The following SLC9B1 variants were observed in gnomAD, a reference collection of about 807,000 sequenced individuals.
The protein encoded by SLC9B1 is sodium/hydrogen exchanger 9B1.
Under a neutral mutation model 51.7 loss-of-function variants are expected in SLC9B1, and 32 were observed. That is an observed-to-expected ratio of 0.62 (90% confidence interval 0.47 to 0.83). SLC9B1 has a LOEUF of 0.83. Among genes scored for constraint, SLC9B1 ranks in the 40% least tolerant of loss-of-function variants. SLC9B1 has a pLI of 0.00. For missense variants in SLC9B1, 406 were observed against 613.2 expected (o/e 0.66, Z 3.57); for synonymous variants, 145 against 212.7 (o/e 0.68, Z 2.77).
chr4:103,003,256 C>T (rs138427846), intron 1 of SLC9B1, among the ~76,000 whole-genome samples: 8 of 152,246 alleles, frequency 5.3e-5, no homozygotes, highest in South Asian at 2.1e-4. Flanking sequence ...GCTCTATTAT[C>T]GATAATCATG....
chr4:103,009,125 T>C (rs548127268), intron 1 of SLC9B1, among the ~76,000 whole-genome samples: 2 of 152,196 alleles, frequency 1.3e-5, no homozygotes, highest in Non-Finnish European at 2.9e-5. Flanking sequence ...AGTCTATGAT[T>C]CTATTATCTG....
chr4:102,914,600 C>T (rs1202246333), intron 7 of SLC9B1, among the ~76,000 whole-genome samples: 1 of 152,126 alleles, frequency 6.6e-6, no homozygotes, highest in African/African-American at 2.4e-5. Context: ...ATAATTTCTT[C>T]AGTTGTAATT....
At chr4:103,012,500 G>C (rs937758415) in intron 1 of SLC9B1, among the ~76,000 whole-genome samples, 7 of 152,140 alleles carry the variant, frequency 4.6e-5, no homozygotes, top group Non-Finnish European at 7.4e-5. Context: ...TCTGTTCATG[G>C]TAATCTAGAC....
Position 102,945,206 on chromosome 4 carries a change from C to T in SLC9B1, c.640G>A (p.Ala214Thr), listed in dbSNP as rs1258499853. Residue 214 changes from alanine to threonine, a missense_variant, in exon 6 of 12, where the codon GCA (alanine) becomes ACA (threonine). Around this residue, in one of 6 missense-constraint regions of SLC9B1, gnomAD observed 250 missense variants for 394.1 expected, o/e 0.63. Coordinates refer to ENST00000296422, the MANE Select transcript of SLC9B1 (RefSeq NM_139173.4). ...HFIMKFPWQW[A>T]FLLGFVLGAV... Reference sequence around the variant, plus strand: ...GAAAGAAATTACCCTAATAGAAATGCCCATTGCCAGGGAAATTTCATAATG... The same window carrying T: ...GAAAGAAATTACCCTAATAGAAATGTCCATTGCCAGGGAAATTTCATAATG... 1.1e-5 allele frequency: 18 copies of T among 1,604,260 alleles called. No individual in the cohort carries two copies. Among genetic ancestry groups the T allele is most frequent in the Admixed American group, 6.7e-5 (4 of 59,374 alleles).
At chr4:102,899,217 A>G (rs1734675664), downstream of SLC9B1, among the ~76,000 whole-genome samples, 1 of 151,240 alleles carries the variant, frequency 6.6e-6, no homozygotes, top group Non-Finnish European at 1.5e-5. Context: ...TAATAAACAT[A>G]TATCACAGAC....
intron 6 of SLC9B1, among the ~76,000 whole-genome samples, chr4:102,937,188 C>T (rs1432781313): frequency 2.6e-5 from 4 of 151,846 alleles, no homozygotes; most frequent in South Asian, 2.1e-4. Flanking sequence ...CTGCAACCTC[C>T]ACTTCCCGGG....
intron 3 of SLC9B1, among the ~76,000 whole-genome samples, chr4:102,951,699 A>C (rs950823823): frequency 1.1e-4 from 17 of 152,006 alleles, no homozygotes; most frequent in East Asian, 1.9e-4. Flanking sequence ...CACACACACA[A>C]AAAAATGAGG....
At chr4:102,944,463 G>A (rs983616872) in intron 6 of SLC9B1, among the ~76,000 whole-genome samples, 1 of 152,132 alleles carries the variant, frequency 6.6e-6, no homozygotes, top group Admixed American at 6.6e-5. Flanking sequence ...CATATTCTAA[G>A]GTCATTCCTC....
intron 6 of SLC9B1, among the ~76,000 whole-genome samples, chr4:102,938,320 T>C (rs975367017): frequency 7.2e-5 from 11 of 152,204 alleles, no homozygotes; most frequent in Non-Finnish European, 1.5e-4. Flanking sequence ...ACAAGAAGAC[T>C]TAACTGTCTA....
At chr4:102,889,904 A>G (rs935263081) in intron 11 of SLC9B1, 3 of 152,322 alleles carry the variant, frequency 2.0e-5, no homozygotes, top group Admixed American at 1.3e-4. Context: ...TAAGTGGTAA[A>G]AGAAAAAAAA....
intron 3 of SLC9B1, among the ~76,000 whole-genome samples, chr4:102,966,102 C>A (rs536822601): frequency 6.6e-6 from 1 of 152,216 alleles, no homozygotes; most frequent in Non-Finnish European, 1.5e-5. Flanking sequence ...CTTTTCCAGG[C>A]TGAGGTTGTA....
chr4:102,955,302 C>T (rs535622024), intron 3 of SLC9B1, among the ~76,000 whole-genome samples: 87 of 152,278 alleles, frequency 5.7e-4, no homozygotes, highest in African/African-American at 2.0e-3. Flanking sequence ...TTTCACCTCC[C>T]GACATGATTC....
At chr4:102,966,075 G>A (rs998380398) in intron 3 of SLC9B1, among the ~76,000 whole-genome samples, 1 of 152,208 alleles carries the variant, frequency 6.6e-6, no homozygotes, top group Non-Finnish European at 1.5e-5. Flanking sequence ...TCACTGGTTG[G>A]AATTGGATAC....
chr4:102,885,647 C>T (rs923582182), intron 11 of SLC9B1, among the ~76,000 whole-genome samples: 4 of 152,180 alleles, frequency 2.6e-5, no homozygotes, highest in East Asian at 1.9e-4. Context: ...CTAATGCCTT[C>T]GCAATGTTTG....
rs556841118 is a variant in SLC9B1 at position 103,010,298 on chromosome 4, T to C, written c.-2+9301A>G. Among the ~76,000 whole-genome samples, 4 of 152,196 alleles carry C rather than the reference T, an allele frequency of 2.6e-5. No homozygotes were observed. The East Asian group carries it at 7.8e-4, about 29-fold the overall frequency. On this transcript the variant is annotated intron_variant, in intron 1 of 11. Transcript: ENST00000296422. ...TTCTCTGGAGGGGAGGGAGTCTATG[T>C]CCTCCTCACATGGCAGAAGGTATAA...
intron 3 of SLC9B1, among the ~76,000 whole-genome samples, chr4:102,988,423 GA>G (rs1330441352): frequency 1.3e-5 from 2 of 152,120 alleles, no homozygotes; most frequent in Non-Finnish European, 2.9e-5. Flanking sequence ...ATTATTTATA[GA>G]AAAACATGTT....
intron 1 of SLC9B1, among the ~76,000 whole-genome samples, chr4:103,016,133 T>TTAAAAAAAAAAAA (rs1741310765): frequency 4.0e-5 from 1 of 25,092 alleles, no homozygotes; most frequent in African/African-American, 3.8e-4. Context: ...AAACTCTGTC[T>TTAAAAAAAAAAAA]CAAAAAAAAA....
At chr4:102,931,582 A>G (rs1736460104) in intron 7 of SLC9B1, among the ~76,000 whole-genome samples, 1 of 152,236 alleles carries the variant, frequency 6.6e-6, no homozygotes, top group East Asian at 1.9e-4. Flanking sequence ...TTAAAGCATT[A>G]CTAAATGTGG....
intron 7 of SLC9B1, among the ~76,000 whole-genome samples, chr4:102,919,049 C>A (rs1560926699): frequency 6.6e-6 from 1 of 152,226 alleles, no homozygotes; most frequent in Non-Finnish European, 1.5e-5. Flanking sequence ...CTGCACAGAG[C>A]AGCAAAGCTC....
Sources: allele counts gnomAD v4.1 joint callset (sites outside exome capture counted in the v4.1 genomes callset), GRCh38; gene constraint gnomAD v4.1.1; regional missense constraint gnomAD v4.1.1; transcripts MANE v1.5; gene names NCBI Gene and HGNC (gene_info 2026-07-23, HGNC 2026-07-21).